The following LRRTM4 variants were observed in gnomAD, a reference collection of about 807,000 sequenced individuals.
LRRTM4 encodes leucine rich repeat transmembrane neuronal 4.
A neutral mutation model predicts 47.6 loss-of-function variants in LRRTM4; 25 were observed. The observed-to-expected ratio is 0.53, with a 90% CI of 0.38 to 0.73. The LOEUF (loss-of-function observed/expected upper bound fraction) is 0.73. LRRTM4 is among the 30% of genes least tolerant of loss of function. The pLI, the probability that LRRTM4 is intolerant of heterozygous loss-of-function variation, is 0.00. For synonymous variants in LRRTM4, 311 were observed against 269.5 expected, an observed-to-expected ratio of 1.15 and a Z score of -1.51; for missense variants, 638 against 713.4, an observed-to-expected ratio of 0.89 and a Z score of 1.20.
At chr2:76,899,311 C>CCACACACACACACACA (rs34031809) in intron 3 of LRRTM4, among the ~76,000 whole-genome samples, 1 of 136,414 alleles carries the variant, frequency 7.3e-6, no homozygotes, top group Non-Finnish European at 1.6e-5. Flanking sequence ...GACTAATAAA[C>CCACACACACACACACA]CACACACACA....
chr2:76,812,068 A>G (rs1670750259), intron 3 of LRRTM4, among the ~76,000 whole-genome samples: 1 of 152,186 alleles, frequency 6.6e-6, no homozygotes, highest in Admixed American at 6.5e-5. Flanking sequence ...AAAATAACTT[A>G]TACTCCTTTT....
intron 3 of LRRTM4, among the ~76,000 whole-genome samples, chr2:77,426,011 G>A (rs1251582633): frequency 6.6e-6 from 1 of 151,412 alleles, no homozygotes; most frequent in Non-Finnish European, 1.5e-5. Context: ...AGCTACTCAG[G>A]AGACTGAGGC....
At chr2:77,165,453 C>T (rs1186204124) in intron 3 of LRRTM4, among the ~76,000 whole-genome samples, 2 of 152,178 alleles carry the variant, frequency 1.3e-5, no homozygotes, top group Non-Finnish European at 2.9e-5. Context: ...TCCTTCCTAA[C>T]TCATTTTATG....
At chr2:76,832,848 T>G (rs892947043) in intron 3 of LRRTM4, among the ~76,000 whole-genome samples, 3 of 152,004 alleles carry the variant, frequency 2.0e-5, no homozygotes, top group African/African-American at 7.2e-5. Context: ...AGGAAAGCTG[T>G]GGAGGACTAG....
chr2:77,195,183 T>A (rs1673775851), intron 3 of LRRTM4, among the ~76,000 whole-genome samples: 1 of 151,882 alleles, frequency 6.6e-6, no homozygotes, highest in African/African-American at 2.4e-5. Flanking sequence ...CTATATAATT[T>A]AAGAGGTTGA....
chr2:77,323,709 G>T (rs1670644143), intron 3 of LRRTM4, among the ~76,000 whole-genome samples: 4 of 152,098 alleles, frequency 2.6e-5, no homozygotes, highest in African/African-American at 9.7e-5. Flanking sequence ...AAAGACATCA[G>T]AGTTGCAATT....
At chr2:77,221,165 T>G (rs1674617033) in intron 3 of LRRTM4, among the ~76,000 whole-genome samples, 1 of 152,172 alleles carries the variant, frequency 6.6e-6, no homozygotes, top group Admixed American at 6.5e-5. Flanking sequence ...TGAGATATTT[T>G]GTCACCACCA....
At chr2:77,318,596 T>C (rs902093513) in intron 3 of LRRTM4, among the ~76,000 whole-genome samples, 5 of 152,106 alleles carry the variant, frequency 3.3e-5, no homozygotes, top group East Asian at 1.9e-4. Flanking sequence ...CTTAATACCA[T>C]TGTGGCTTGA....
chr2:76,890,445 C>CA, intron 3 of LRRTM4, among the ~76,000 whole-genome samples: 1 of 151,908 alleles, frequency 6.6e-6, no homozygotes, highest in East Asian at 1.9e-4. Flanking sequence ...CTTCAAAGGC[C>CA]AAAAGAGGAT....
intron 3 of LRRTM4, among the ~76,000 whole-genome samples, chr2:76,902,348 T>A (rs1573284933): frequency 6.6e-6 from 1 of 152,142 alleles, no homozygotes; most frequent in East Asian, 1.9e-4. Flanking sequence ...AACCATGATT[T>A]AAAAAAAATA....
intron 3 of LRRTM4, among the ~76,000 whole-genome samples, chr2:77,106,202 G>A (rs55831799): frequency 4.6e-5 from 7 of 152,222 alleles, no homozygotes; most frequent in African/African-American, 1.4e-4. Context: ...CACTCTAAAT[G>A]ATTTTCATGA....
intron 3 of LRRTM4, among the ~76,000 whole-genome samples, chr2:77,014,354 T>C (rs371268932): frequency 6.6e-6 from 1 of 151,952 alleles, no homozygotes; most frequent in South Asian, 2.1e-4. Flanking sequence ...ATAAAAAGAA[T>C]AGCTACTCAC....
chr2:76,900,783 G>A (rs1215171721), intron 3 of LRRTM4, among the ~76,000 whole-genome samples: 1 of 152,076 alleles, frequency 6.6e-6, no homozygotes, highest in Admixed American at 6.5e-5. Flanking sequence ...TCTTCACAAA[G>A]AACATTTAAC....
At chr2:76,803,452 T>G (rs1432932012) in intron 3 of LRRTM4, among the ~76,000 whole-genome samples, 2 of 152,116 alleles carry the variant, frequency 1.3e-5, no homozygotes, top group African/African-American at 4.8e-5. Flanking sequence ...AAAGTACATT[T>G]TGGCGAGGTT....
Position 76,827,873 on chromosome 2 carries a change from A to C in LRRTM4, c.1552-78957T>G, listed in dbSNP as rs1462855322. 3.3e-5 allele frequency among the ~76,000 whole-genome samples: 5 copies of C among 151,888 alleles called. No homozygotes were observed. The East Asian group carries it at 9.6e-4, about 29-fold the overall frequency. ...TAATAATATTATTGCTAGGAATCAG[A>C]ATTTTAATTTTCCACAGTTACTGTT... On this transcript the variant is annotated intron_variant, in intron 3 of 3. Transcript: ENST00000409884.
intron 3 of LRRTM4, among the ~76,000 whole-genome samples, chr2:77,440,074 A>G (rs749821787): frequency 2.6e-5 from 4 of 152,156 alleles, no homozygotes; most frequent in South Asian, 4.1e-4. Flanking sequence ...CAAAGAAAAG[A>G]TGGGTGAAAT....
intron 3 of LRRTM4, among the ~76,000 whole-genome samples, chr2:77,322,546 A>C (rs1374733608): frequency 6.6e-6 from 1 of 151,948 alleles, no homozygotes; most frequent in Non-Finnish European, 1.5e-5. Flanking sequence ...TAAGGAGAAA[A>C]ATGCATTCAT....
Position 76,850,178 on chromosome 2 carries a change from G to GT in LRRTM4, c.1552-101263dup, listed in dbSNP as rs536239721. ...TTTCTCCAAACTAGATTTTTGGTTTGTTTTTTTCTGCTGTCCATACGGTTT... is the reference window on the plus strand; with the variant it reads ...TTTCTCCAAACTAGATTTTTGGTTTGTTTTTTTTCTGCTGTCCATACGGTTT... On this transcript the variant is annotated intron_variant, in intron 3 of 3. Transcript: ENST00000409884. Among the ~76,000 whole-genome samples, 19 of 152,072 alleles carry GT rather than the reference G, an allele frequency of 1.2e-4. No homozygotes were observed. The South Asian group carries it at 3.5e-3, about 28-fold the overall frequency.
chr2:76,750,756 G>A (rs1485875707), intron 3 of LRRTM4, among the ~76,000 whole-genome samples: 1 of 151,978 alleles, frequency 6.6e-6, no homozygotes, highest in Non-Finnish European at 1.5e-5. Context: ...TTTTCTTGCT[G>A]GTATTTTTAT....
Sources: allele counts gnomAD v4.1 joint callset (sites outside exome capture counted in the v4.1 genomes callset), GRCh38; gene constraint gnomAD v4.1.1; transcripts MANE v1.5; gene names NCBI Gene and HGNC (gene_info 2026-07-23, HGNC 2026-07-21).